Variants in GPR158 observed in about 807,000 individuals in gnomAD.
GPR158 encodes G protein-coupled receptor 158, also known as metabotropic glycine receptor.
A neutral mutation model predicts 78.2 loss-of-function variants in GPR158; 30 were observed. The observed-to-expected ratio is 0.38, with a 90% CI of 0.29 to 0.52. The LOEUF (loss-of-function observed/expected upper bound fraction) is 0.52. GPR158 is among the 20% of genes least tolerant of loss of function. The pLI, the probability that GPR158 is intolerant of heterozygous loss-of-function variation, is 0.83. For missense variants in GPR158, 1,463 were observed against 1,523.5 expected, an observed-to-expected ratio of 0.96 and a Z score of 0.66; for synonymous variants, 581 against 591.1, an observed-to-expected ratio of 0.98 and a Z score of 0.25.
intron 2 of GPR158, among the ~76,000 whole-genome samples, chr10:25,225,096 T>C (rs998268514): frequency 5.9e-5 from 9 of 152,054 alleles, no homozygotes; most frequent in Non-Finnish European, 8.8e-5. Flanking sequence ...TTTGTTGTTG[T>C]TGTTTTTTAA....
chr10:25,450,387 T>G lies in GPR158; in HGVS notation c.1336-16264T>G, dbSNP rs1439269296. 2.3e-4 allele frequency among the ~76,000 whole-genome samples: 16 copies of G among 70,586 alleles called. No homozygotes were observed. The South Asian group carries it at 7.7e-3, about 34-fold the overall frequency. The allele number at this position is 70,586 out of a possible 152,430, so 46.3% of individuals were successfully genotyped here. A position where few individuals can be genotyped will look rare whatever the true frequency, so the allele number is the denominator to read the frequency against. ...TCTTTTTTCCTTTTTCACGTTTTTT[T>G]TTTTTTTTTTTTAAACCTTAAATTT... On this transcript the variant is annotated intron_variant, in intron 4 of 10. Transcript: ENST00000376351.
At chr10:25,204,140 A>C (rs1484612527) in intron 1 of GPR158, among the ~76,000 whole-genome samples, 1 of 152,192 alleles carries the variant, frequency 6.6e-6, no homozygotes, top group Non-Finnish European at 1.5e-5. Flanking sequence ...TTATCAGTTT[A>C]AGGAGATTTT....
In GPR158 at chr10:25,598,461, C is replaced by T. The variant is rs1837443837; in HGVS notation, c.2835C>T (p.His945=). 1 of 1,614,066 alleles carries T rather than the reference C, an allele frequency of 6.2e-7. No homozygotes were observed. The highest frequency in any genetic ancestry group is 1.7e-5 in the Admixed American group (1 of 60,010). Residue 945 remains histidine (H), a synonymous_variant, in exon 11 of 11, where the codon CAC becomes CAT. Coordinates refer to ENST00000376351, the MANE Select transcript of GPR158 (RefSeq NM_020752.3). ...LPKDKETNRN[H]SNSDNTETKD... ...AAGATAAAGAGACAAACAGAAATCA[C>T]TCAAATTCTGATAACACAGAGACTA...
chr10:25,534,933 T>C (rs1312353735), intron 5 of GPR158, among the ~76,000 whole-genome samples: 1 of 152,228 alleles, frequency 6.6e-6, no homozygotes, highest in Non-Finnish European at 1.5e-5. Context: ...TCAGCAGTTC[T>C]TAGTCAAGAA....
At chr10:25,512,444 G>C (rs1473268373) in intron 5 of GPR158, among the ~76,000 whole-genome samples, 1 of 152,098 alleles carries the variant, frequency 6.6e-6, no homozygotes. Context: ...TGAGTCTTAA[G>C]GGTTTTCTTT....
intron 1 of GPR158, among the ~76,000 whole-genome samples, chr10:25,181,509 G>A (rs565663981): frequency 3.3e-5 from 5 of 152,236 alleles, no homozygotes; most frequent in Non-Finnish European, 4.4e-5. Flanking sequence ...TTGTGATGGC[G>A]ATGGGTCATG....
At chr10:25,198,102 A>G (rs1008922683) in intron 1 of GPR158, among the ~76,000 whole-genome samples, 2 of 152,238 alleles carry the variant, frequency 1.3e-5, no homozygotes, top group African/African-American at 2.4e-5. Flanking sequence ...AGCAATTTTA[A>G]GAGATGTGCT....
chr10:25,234,872 A>T (rs182637630), intron 2 of GPR158, among the ~76,000 whole-genome samples: 1 of 152,296 alleles, frequency 6.6e-6, no homozygotes, highest in East Asian at 1.9e-4. Flanking sequence ...AGTAAGCATC[A>T]TTTTTTTGTA....
chr10:25,182,891 G>C (rs549529627), intron 1 of GPR158, among the ~76,000 whole-genome samples: 1 of 152,324 alleles, frequency 6.6e-6, no homozygotes, highest in Non-Finnish European at 1.5e-5. Flanking sequence ...GAATTACTAA[G>C]ATAGCACATT....
intron 5 of GPR158, among the ~76,000 whole-genome samples, chr10:25,474,843 T>C (rs981087181): frequency 2.0e-5 from 3 of 152,244 alleles, no homozygotes; most frequent in Middle Eastern, 3.4e-3. Context: ...AGACTCTGCT[T>C]GATTGTGGAA....
At chr10:25,371,168 A>G (rs1477284775) in intron 2 of GPR158, among the ~76,000 whole-genome samples, 5 of 148,290 alleles carry the variant, frequency 3.4e-5, no homozygotes, top group African/African-American at 7.5e-5. Flanking sequence ...GTCCATTTAC[A>G]TTTAAAGTTA....
intron 2 of GPR158, among the ~76,000 whole-genome samples, chr10:25,241,829 G>A (rs1398278323): frequency 2.0e-5 from 3 of 152,228 alleles, no homozygotes; most frequent in African/African-American, 7.2e-5. Context: ...TCTGAATTTG[G>A]TACAGCTGAA....
rs1834367314 is a variant in GPR158, at chr10:25,396,717, A to ACTGC, written c.1111+704_1111+705insCTGC. ...TTATTTGCATTATCTGACCTCTATA[A>ACTGC]ACAATCATGACCAGAGCCATGTCTT... On this transcript the variant is annotated intron_variant, in intron 3 of 10. Transcript: ENST00000376351. Among the ~76,000 whole-genome samples the ACTGC allele has an allele frequency of 2.0e-5, 3 of 152,218 alleles. No homozygotes were observed. In the East Asian group the frequency reaches 5.8e-4, roughly 29 times the overall value.
At chr10:25,547,731 C>A (rs903259760) in intron 5 of GPR158, among the ~76,000 whole-genome samples, 1 of 152,174 alleles carries the variant, frequency 6.6e-6, no homozygotes, top group Non-Finnish European at 1.5e-5. Flanking sequence ...GGATTCAGAT[C>A]CTGGCTCTGA....
At chr10:25,492,554 A>G (rs1289087371) in intron 5 of GPR158, among the ~76,000 whole-genome samples, 1 of 152,168 alleles carries the variant, frequency 6.6e-6, no homozygotes, top group African/African-American at 2.4e-5. Flanking sequence ...CCTTGAAAAG[A>G]AAAATGTTTT....
intron 2 of GPR158, among the ~76,000 whole-genome samples, chr10:25,264,285 T>C (rs1854011205): frequency 6.6e-6 from 1 of 152,154 alleles, no homozygotes; most frequent in Non-Finnish European, 1.5e-5. Context: ...TCCATTATGA[T>C]TTCTTGGAAT....
intron 2 of GPR158, among the ~76,000 whole-genome samples, chr10:25,229,121 C>A (rs1478680073): frequency 6.6e-6 from 1 of 151,744 alleles, no homozygotes; most frequent in Non-Finnish European, 1.5e-5. Context: ...GCATATGCAA[C>A]CTCAAAAGAA....
chr10:25,326,966 A>C (rs1204278484), intron 2 of GPR158, among the ~76,000 whole-genome samples: 2 of 152,158 alleles, frequency 1.3e-5, no homozygotes, highest in Non-Finnish European at 2.9e-5. Flanking sequence ...TGTCTAGATA[A>C]AGCCATTTTA....
chr10:25,291,288 A>G (rs1309370754), intron 2 of GPR158, among the ~76,000 whole-genome samples: 2 of 152,074 alleles, frequency 1.3e-5, no homozygotes, highest in Non-Finnish European at 2.9e-5. Context: ...GTCATTAGCT[A>G]TTAGACACGG....
Sources: gnomAD v4.1 joint callset for allele counts (sites outside exome capture counted in the v4.1 genomes callset) on GRCh38, gnomAD v4.1.1 for gene constraint, MANE v1.5 for transcripts, NCBI Gene and HGNC (gene_info 2026-07-23, HGNC 2026-07-21) for gene names.